Variants in CHD1 observed in about 807,000 individuals in gnomAD.
CHD1 encodes the protein ATP-dependent chromatin remodeler CHD1.
In CHD1, 36 loss-of-function variants were observed where a neutral mutation model predicts 224.2. The ratio of observed to expected loss-of-function variants is 0.16; its 90% CI spans 0.12 to 0.21. CHD1 has a LOEUF of 0.21. Ranked by LOEUF, CHD1 falls within the 10% of genes least tolerant of loss-of-function variation. The pLI is 1.00. For missense variants in CHD1, 1,378 were observed against 1,994.8 expected, an observed-to-expected ratio of 0.69 and a Z score of 5.89; for synonymous variants, 668 against 658.3, an observed-to-expected ratio of 1.01 and a Z score of -0.23.
intron 2 of CHD1, among the ~76,000 whole-genome samples, chr5:98,922,603 A>T (rs1440201558): frequency 1.3e-5 from 2 of 152,246 alleles, no homozygotes; most frequent in Admixed American, 6.5e-5. Context: ...AAAATACATT[A>T]TAGAATTCTA....
chr5:98,920,893 G>T (rs1042813432), intron 2 of CHD1, among the ~76,000 whole-genome samples: 1 of 151,946 alleles, frequency 6.6e-6, no homozygotes, highest in Non-Finnish European at 1.5e-5. Flanking sequence ...GAAAACTAAG[G>T]AAAGACTTAG....
At chr5:98,862,529 C>T (rs915298537) in intron 32 of CHD1, among the ~76,000 whole-genome samples, 2 of 152,182 alleles carry the variant, frequency 1.3e-5, no homozygotes, top group African/African-American at 4.8e-5. Flanking sequence ...GTATTAGTCA[C>T]TGTGTAACTT....
In CHD1 at chr5:98,854,080, T is replaced by A. The variant is rs1033153069; in HGVS notation, c.*2300A>T. The A allele has an allele frequency of 6.6e-6, 1 of 151,946 alleles. No homozygotes were observed. The highest frequency in any genetic ancestry group is 1.5e-5 in the Non-Finnish European group (1 of 67,860). The allele number at this position is 151,946 out of a possible 1,614,324, so 9.4% of individuals were successfully genotyped here. A position where few individuals can be genotyped will look rare whatever the true frequency, so the allele number is the denominator to read the frequency against. ...CCTTGAAAAATTAAACATAACTGGA[T>A]AAAAATAACAAAGCAGAATGAAAAC... On this transcript the variant is annotated 3_prime_UTR_variant, in exon 36 of 36. Coordinates refer to ENST00000614616, the MANE Select transcript of CHD1 (RefSeq NM_001270.4).
rs557725381 is a variant in CHD1 at position 98,881,406 on chromosome 5, T to C, written c.2868-31A>G. 79 of 1,081,212 alleles carry C rather than the reference T, an allele frequency of 7.3e-5. 3 individuals are homozygous for C. The South Asian group carries it at 1.1e-3, about 15-fold the overall frequency. 67.0% of individuals were successfully genotyped at this position (1,081,212 alleles called of 1,614,324 possible). On this transcript the variant is annotated intron_variant, in intron 20 of 35. Coordinates refer to ENST00000614616, the MANE Select transcript of CHD1 (RefSeq NM_001270.4). ...ACAGGAAAAACAAAAATGCTTAACATTAACAGTTAAAAATATAACAGTTAC... is the reference window on the plus strand; with the variant it reads ...ACAGGAAAAACAAAAATGCTTAACACTAACAGTTAAAAATATAACAGTTAC...
In CHD1 at chr5:98,854,311, T is replaced by C. The variant is rs1747875276; in HGVS notation, c.*2069A>G. On this transcript the variant is annotated 3_prime_UTR_variant, in exon 36 of 36. Transcript: ENST00000614616. Reference sequence around the variant, plus strand: ...AGCACTATTTAAAAAATTAGAGCCTTATCTCAGAAAATGCAACATTGTTCT... The same window carrying C: ...AGCACTATTTAAAAAATTAGAGCCTCATCTCAGAAAATGCAACATTGTTCT... The C allele has an allele frequency of 6.6e-6, 1 of 151,986 alleles. No individual in the cohort carries two copies. Among genetic ancestry groups the C allele is most frequent in the African/African-American group, 2.4e-5 (1 of 41,376 alleles). 9.4% of individuals were successfully genotyped at this position (151,986 alleles called of 1,614,324 possible).
At chr5:98,857,682 T>C (rs1748141881) in intron 35 of CHD1, among the ~76,000 whole-genome samples, 1 of 152,182 alleles carries the variant, frequency 6.6e-6, no homozygotes, top group African/African-American at 2.4e-5. Flanking sequence ...GTTCAAAGGC[T>C]TCAAAAAACA....
chr5:98,897,711 T>C (rs1751432411), intron 10 of CHD1, among the ~76,000 whole-genome samples: 2 of 152,172 alleles, frequency 1.3e-5, no homozygotes, highest in Non-Finnish European at 2.9e-5. Context: ...ATGAAGAATG[T>C]AATTCTTGTA....
chr5:98,899,774 T>C, intron 7 of CHD1, 69 bp from the exon 8 acceptor site: 1 of 1,106,382 alleles, frequency 9.0e-7, no homozygotes, highest in South Asian at 1.4e-5. Flanking sequence ...CAACTCAAAA[T>C]TTCAATAATA....
chr5:98,915,053 A>C (rs758593211), intron 2 of CHD1, among the ~76,000 whole-genome samples: 6 of 152,200 alleles, frequency 3.9e-5, no homozygotes, highest in Non-Finnish European at 7.3e-5. Flanking sequence ...TTAGTGGCCA[A>C]AGTCAAGCAA....
chr5:98,862,817 G>T (rs1428678879), intron 32 of CHD1, among the ~76,000 whole-genome samples: 1 of 152,146 alleles, frequency 6.6e-6, no homozygotes, highest in Non-Finnish European at 1.5e-5. Context: ...TAAAAGAGAA[G>T]TTGCCAGGCT....
At chr5:98,888,041 C>T in intron 17 of CHD1, 47 bp downstream of exon 17, 1 of 1,262,540 alleles carries the variant, frequency 7.9e-7, no homozygotes, top group African/African-American at 1.5e-5. Context: ...AAAATATGCA[C>T]AGGAATTAGA....
intron 2 of CHD1, 150 bp from the exon 3 acceptor site, chr5:98,905,248 T>A: frequency 3.6e-6 from 3 of 827,866 alleles, no homozygotes; most frequent in Non-Finnish European, 5.5e-6. Context: ...GGAATTGATT[T>A]AATCTATAGT....
chr5:98,860,170 A>T (rs1346384617), intron 32 of CHD1, 102 bp from the exon 33 acceptor site: 1 of 705,544 alleles, frequency 1.4e-6, no homozygotes, highest in Non-Finnish European at 2.6e-6. Flanking sequence ...ATATACACAT[A>T]CACAGCCCTC....
intron 2 of CHD1, among the ~76,000 whole-genome samples, chr5:98,919,808 A>T (rs555137769): frequency 5.9e-5 from 9 of 152,220 alleles, no homozygotes; most frequent in Admixed American, 1.3e-4. Context: ...ATCTACATAT[A>T]TTACCTAGCT....
At chr5:98,925,466 TTAAG>T (rs1580547515) in intron 2 of CHD1, among the ~76,000 whole-genome samples, 1 of 152,216 alleles carries the variant, frequency 6.6e-6, no homozygotes, top group African/African-American at 2.4e-5. Context: ...GCCTCAGAGA[TTAAG>T]TAATTTGCCC....
At chr5:98,914,907 G>C (rs1259316961) in intron 2 of CHD1, among the ~76,000 whole-genome samples, 1 of 152,022 alleles carries the variant, frequency 6.6e-6, no homozygotes, top group Non-Finnish European at 1.5e-5. Flanking sequence ...ACTAGGTCTT[G>C]AAGATCATTA....
rs1176020560 is a variant in CHD1, at chr5:98,860,964, AAT to A, written c.4428-898_4428-897del. ...TTATAAGGGTAAAAGGTAGGAAGTT[AAT>A]AAAGTACCTTTTTGTTCCTAAGTAA... On this transcript the variant is annotated intron_variant, in intron 32 of 35. Coordinates refer to ENST00000614616, the MANE Select transcript of CHD1 (RefSeq NM_001270.4). Among the ~76,000 whole-genome samples the A allele has an allele frequency of 2.6e-5, 4 of 152,232 alleles. No individual in the cohort carries two copies. In the East Asian group the frequency reaches 5.8e-4, roughly 22 times the overall value.
Position 98,892,543 on chromosome 5 carries a change from A to G in CHD1, c.2162T>C (p.Leu721Ser), listed in dbSNP as rs1168999681. ...AGCTTACTTGTAATATTGTTTCTGTAAAGCACTCATTTCCATTCTTAAAAT... is the reference window on the plus strand; with the variant it reads ...AGCTTACTTGTAATATTGTTTCTGTGAAGCACTCATTTCCATTCTTAAAAT... The part of the protein sequence containing the change: ...EQILRMEMSA[L>S]QKQYYKWILT... The change falls in exon 15 of 36, where the codon TTA becomes TCA. Residue 721 changes from leucine (L) to serine (S), a missense_variant. This residue lies in a region of CHD1 where 58 missense variants were observed against 90.0 expected (regional missense o/e 0.64). Coordinates refer to ENST00000614616, the MANE Select transcript of CHD1 (RefSeq NM_001270.4). The G allele has an allele frequency of 6.2e-7, 1 of 1,613,192 alleles. No homozygotes were observed. The highest frequency in any genetic ancestry group is 8.5e-7 in the Non-Finnish European group (1 of 1,179,382).
chr5:98,867,557 C>CGT (rs1561484642), intron 31 of CHD1, among the ~76,000 whole-genome samples: 31 of 146,918 alleles, frequency 2.1e-4, no homozygotes, highest in African/African-American at 8.2e-4. Flanking sequence ...CACTATTACA[C>CGT]ATGTGTGTGT....
Sources: gnomAD v4.1 joint callset for allele counts (sites outside exome capture counted in the v4.1 genomes callset) on GRCh38, gnomAD v4.1.1 for gene constraint, gnomAD v4.1.1 regional missense constraint, MANE v1.5 for transcripts, NCBI Gene and HGNC (gene_info 2026-07-23, HGNC 2026-07-21) for gene names.